The following GALNT18 variants were observed in gnomAD, a reference collection of about 807,000 sequenced individuals.
The protein encoded by GALNT18 is GalNAc-transferase 18.
In GALNT18, 44 loss-of-function variants were observed where a neutral mutation model predicts 69.5. The observed-to-expected ratio is 0.63, with a 90% confidence interval of 0.50 to 0.81. GALNT18 has a LOEUF of 0.81. Among genes scored for constraint, GALNT18 ranks in the 40% least tolerant of loss-of-function variants. GALNT18 has a pLI of 0.00. For synonymous variants in GALNT18, 364 were observed against 318.2 expected, an observed-to-expected ratio of 1.14 and a Z score of -1.53; for missense variants, 715 against 810.0, an observed-to-expected ratio of 0.88 and a Z score of 1.42.
At chr11:11,379,321 CA>C in intron 3 of GALNT18, 57 bp from the exon 4 acceptor site, 1 of 1,494,652 alleles carries the variant, frequency 6.7e-7, no homozygotes, top group Non-Finnish European at 9.2e-7. Context: ...GCAGAGGGGG[CA>C]ATCACAACAG....
chr11:11,510,593 G>A (rs191028439), intron 1 of GALNT18, among the ~76,000 whole-genome samples: 20 of 152,348 alleles, frequency 1.3e-4, no homozygotes, highest in African/African-American at 4.6e-4. Flanking sequence ...GAGCATAGCT[G>A]CCTTCCAGAG....
rs1000290403 is a variant in GALNT18, at chr11:11,596,097, C to T, written c.235+25262G>A. ...AGATGGGGGACAACTTTATTCTTAA[C>T]ATGTAGATATCCAGTTGTTCCAGCA... On this transcript the variant is annotated intron_variant, in intron 1 of 10. Transcript: ENST00000227756. The surrounding 1 kb of genome is among the most constrained non-coding windows in gnomAD (Gnocchi z 4.2). Among the ~76,000 whole-genome samples, 3 of 152,160 alleles carry T rather than the reference C, an allele frequency of 2.0e-5. No homozygotes were observed. The highest frequency in any genetic ancestry group is 7.2e-5 in the African/African-American group (3 of 41,446).
chr11:11,348,792 C>A (rs751987596), intron 6 of GALNT18, among the ~76,000 whole-genome samples: 3 of 152,198 alleles, frequency 2.0e-5, no homozygotes, highest in Non-Finnish European at 4.4e-5. Flanking sequence ...TCCCACCTAC[C>A]TTCCCTGGCT....
chr11:11,398,931 G>A (rs1854394894), intron 3 of GALNT18, among the ~76,000 whole-genome samples: 4 of 152,182 alleles, frequency 2.6e-5, no homozygotes, highest in Admixed American at 2.0e-4. Context: ...TGCAGCCAGG[G>A]CAGAGGATAG....
rs187013061 is a variant in GALNT18, at chr11:11,538,109, C to T, written c.235+83250G>A. ...CACACCTCTGTGCTGGAGTTATCAT[C>T]GACCTTGTTTTGCAGAGGGTGAAAT... On this transcript the variant is annotated intron_variant, in intron 1 of 10. Coordinates refer to ENST00000227756, the MANE Select transcript of GALNT18 (RefSeq NM_198516.3). This position sits in a 1 kb window ranked among gnomAD's most constrained non-coding sequence, Gnocchi z 5.2. Among the ~76,000 whole-genome samples, 194 of 152,304 alleles carry T rather than the reference C, an allele frequency of 1.3e-3. 3 individuals are homozygous for T. Among genetic ancestry groups the T allele is most frequent in the African/African-American group, 4.5e-3 (185 of 41,572 alleles).
At chr11:11,285,331 T>G (rs1339041466) in intron 10 of GALNT18, among the ~76,000 whole-genome samples, 1 of 152,170 alleles carries the variant, frequency 6.6e-6, no homozygotes, top group African/African-American at 2.4e-5. Flanking sequence ...AAACTGGGGA[T>G]AATTATAGTA....
chr11:11,274,525 G>C (rs558581002), intron 10 of GALNT18, among the ~76,000 whole-genome samples: 1 of 152,212 alleles, frequency 6.6e-6, no homozygotes, highest in African/African-American at 2.4e-5. Flanking sequence ...ATCCGCCATT[G>C]CTGTGGCCTG....
intron 6 of GALNT18, among the ~76,000 whole-genome samples, chr11:11,361,834 G>T (rs1392946354): frequency 6.6e-6 from 1 of 152,204 alleles, no homozygotes; most frequent in African/African-American, 2.4e-5. Flanking sequence ...AAGAGGGAAA[G>T]ATGATACTTG....
At chr11:11,422,290 G>A (rs562151147) in intron 3 of GALNT18, among the ~76,000 whole-genome samples, 3 of 152,370 alleles carry the variant, frequency 2.0e-5, no homozygotes, top group Admixed American at 2.0e-4. Flanking sequence ...CCTGGTATAG[G>A]ATGTGGCAGG....
Position 11,614,372 on chromosome 11 carries a change from G to A in GALNT18, c.235+6987C>T, listed in dbSNP as rs1181763017. The stretch of plus-strand genomic sequence containing the variant: ...AGGAGAAGAAGAAGAAGAGGAGGAG[G>A]AGGAGGAGGAGGAGGAGGAGGAGGG... On this transcript the variant is annotated intron_variant, in intron 1 of 10. Coordinates refer to ENST00000227756, the MANE Select transcript of GALNT18 (RefSeq NM_198516.3). The surrounding 1 kb of genome is among the most constrained non-coding windows in gnomAD (Gnocchi z 5.6). 2.1e-5 allele frequency among the ~76,000 whole-genome samples: 3 copies of A among 145,658 alleles called. No homozygotes were observed. Among genetic ancestry groups the A allele is most frequent in the Non-Finnish European group, 4.4e-5 (3 of 67,740 alleles).
At position 11,322,758 on chromosome 11, in the gene GALNT18, G is replaced by A. The variant is rs998031689; in HGVS notation, c.1512+4328C>T. Reference sequence around the variant, plus strand: ...GGCAGTTTATTAGTTGGCTCAGGCTGTCACAAAGTGCCACAGACTAGGTGG... The same window carrying A: ...GGCAGTTTATTAGTTGGCTCAGGCTATCACAAAGTGCCACAGACTAGGTGG... On this transcript the variant is annotated intron_variant, in intron 9 of 10. Transcript: ENST00000227756. Among the ~76,000 whole-genome samples, 2 of 152,186 alleles carry A rather than the reference G, an allele frequency of 1.3e-5. 1 individual carries two copies. The highest frequency in any genetic ancestry group is 2.9e-5 in the Non-Finnish European group (2 of 68,036).
chr11:11,361,210 C>T (rs1850638354), intron 6 of GALNT18, among the ~76,000 whole-genome samples: 1 of 152,190 alleles, frequency 6.6e-6, no homozygotes, highest in Admixed American at 6.5e-5. Context: ...GAAATTTTGT[C>T]AGATTTCTTA....
At chr11:11,452,515 A>G (rs1397508922) in intron 1 of GALNT18, among the ~76,000 whole-genome samples, 1 of 152,226 alleles carries the variant, frequency 6.6e-6, no homozygotes, top group Non-Finnish European at 1.5e-5. Context: ...CCCCAGCTCT[A>G]GAAGATGCTG....
At chr11:11,410,091 G>T (rs954772713) in intron 3 of GALNT18, among the ~76,000 whole-genome samples, 1 of 152,146 alleles carries the variant, frequency 6.6e-6, no homozygotes, top group Non-Finnish European at 1.5e-5. Context: ...CTCCCACAGG[G>T]GAGGATCAGA....
chr11:11,351,521 G>T (rs1211466271), intron 6 of GALNT18, among the ~76,000 whole-genome samples: 1 of 152,144 alleles, frequency 6.6e-6, no homozygotes, highest in Non-Finnish European at 1.5e-5. Context: ...GATGCACAAG[G>T]CTGGGAAGGT....
intron 10 of GALNT18, among the ~76,000 whole-genome samples, chr11:11,291,651 GCCACCTGCATCCT>G (rs1221170497): frequency 6.6e-6 from 1 of 151,980 alleles, no homozygotes; most frequent in African/African-American, 2.4e-5. Flanking sequence ...TCACAGAGCT[GCCACCTGCATCCT>G]CCACCTGCCC....
At chr11:11,493,901 C>T (rs900431248) in intron 1 of GALNT18, among the ~76,000 whole-genome samples, 7 of 152,188 alleles carry the variant, frequency 4.6e-5, no homozygotes, top group Non-Finnish European at 1.0e-4. Context: ...GCAGAGACCA[C>T]AGCCATGGGG....
chr11:11,285,323 A>C (rs1483562150), intron 10 of GALNT18, among the ~76,000 whole-genome samples: 4 of 152,156 alleles, frequency 2.6e-5, no homozygotes, highest in African/African-American at 9.7e-5. Flanking sequence ...CCTCTGTAAA[A>C]CTGGGGATAA....
At chr11:11,335,800 C>G (rs1321369025) in intron 7 of GALNT18, among the ~76,000 whole-genome samples, 1 of 152,124 alleles carries the variant, frequency 6.6e-6, no homozygotes, top group Admixed American at 6.5e-5. Flanking sequence ...TAAGGTGATA[C>G]ATCCACAACC....
Sources: allele counts gnomAD v4.1 joint callset (sites outside exome capture counted in the v4.1 genomes callset), GRCh38; gene constraint gnomAD v4.1.1; non-coding constraint Gnocchi (gnomAD v3.1); transcripts MANE v1.5; gene names NCBI Gene and HGNC (gene_info 2026-07-23, HGNC 2026-07-21).